SPRY3: variants seen among roughly 807,000 people sequenced by gnomAD.
SPRY3 encodes sprouty RTK signaling antagonist 3.
In SPRY3, 15 loss-of-function variants were observed where a neutral mutation model predicts 20.2. The ratio of observed to expected loss-of-function variants is 0.74; its 90% CI spans 0.50 to 1.14. SPRY3 has a LOEUF of 1.14. SPRY3 is among the 50% of genes most tolerant of loss of function. The probability of loss-of-function intolerance (pLI) is 0.00; values close to 1 mark genes in which losing one functional copy is unlikely to be tolerated. For synonymous variants in SPRY3, 143 were observed against 136.5 expected, an observed-to-expected ratio of 1.05 and a Z score of -0.33; for missense variants, 364 against 363.9, an observed-to-expected ratio of 1.00 and a Z score of 0.00.
At chrX:155,779,923 A>C (rs2091453656), downstream of SPRY3, 1 of 166,968 alleles carries the variant, frequency 6.0e-6, no homozygotes, top group Non-Finnish European at 1.5e-5. Flanking sequence ...TGTAGGACTG[A>C]AATTCTTGGT....
At chrX:155,749,382 CA>C (rs2091247200) in intron 2 of SPRY3, among the ~76,000 whole-genome samples, 2 of 151,330 alleles carry the variant, frequency 1.3e-5, no homozygotes. Context: ...CAGCAAGTGA[CA>C]GGGGTGTGTG....
intron 3 of SPRY3, among the ~76,000 whole-genome samples, chrX:155,771,412 C>A (rs1028003877): frequency 1.4e-4 from 22 of 152,054 alleles, no homozygotes; most frequent in African/African-American, 5.3e-4. Context: ...AACTTTGAGA[C>A]CTTGTATAAC....
At chrX:155,737,052 T>C (rs2091174938) in intron 2 of SPRY3, among the ~76,000 whole-genome samples, 1 of 152,178 alleles carries the variant, frequency 6.6e-6, no homozygotes, top group Non-Finnish European at 1.5e-5. Flanking sequence ...TTTGATTCTT[T>C]CTTAGAATTT....
chrX:155,711,793 A>G (rs777238749), intron 2 of SPRY3, among the ~76,000 whole-genome samples: 1 of 149,780 alleles, frequency 6.7e-6, no homozygotes, highest in South Asian at 2.1e-4. Flanking sequence ...ATGCATCTTT[A>G]GGTTGTTTTT....
At chrX:155,780,995 A>G (rs1299970041), downstream of SPRY3, 1 of 163,640 alleles carries the variant, frequency 6.1e-6, no homozygotes. Context: ...TCCTTGACTT[A>G]TATCAACACT....
At chrX:155,696,064 G>T (rs2068117419) in intron 2 of SPRY3, among the ~76,000 whole-genome samples, 1 of 110,694 alleles carries the variant, frequency 9.0e-6, no homozygotes, top group Non-Finnish European at 1.9e-5. Flanking sequence ...TCTGGGTTCT[G>T]TTATATTTGT....
rs780709614 is a variant in SPRY3, at chrX:155,767,995, C to G, written c.-248C>G. 3.3e-5 allele frequency: 5 copies of G among 152,284 alleles called. No homozygotes were observed. The East Asian group carries it at 9.7e-4, about 29-fold the overall frequency. 9.4% of individuals were successfully genotyped at this position (152,284 alleles called of 1,614,324 possible). ...AGAACTATCTCTGTTTCTGGCTCCA[C>G]TGCCTGCCAGTGAAGGAGTTTTCAT... is the stretch of plus-strand genomic sequence containing the variant. On this transcript the variant is annotated 5_prime_UTR_variant, in exon 3 of 4. Transcript: ENST00000675360.
At chrX:155,750,300 G>T (rs1249952266) in intron 2 of SPRY3, among the ~76,000 whole-genome samples, 2 of 151,748 alleles carry the variant, frequency 1.3e-5, no homozygotes, top group East Asian at 3.9e-4. Context: ...AAGAGTGTAA[G>T]GGTTGAAAAA....
At chrX:155,729,485 G>C (rs778665216) in intron 2 of SPRY3, among the ~76,000 whole-genome samples, 1 of 151,536 alleles carries the variant, frequency 6.6e-6, no homozygotes, top group South Asian at 2.1e-4. Flanking sequence ...AAGAAATTAA[G>C]AAGAAAATTT....
At chrX:155,750,189 A>C (rs1300679313) in intron 2 of SPRY3, among the ~76,000 whole-genome samples, 2 of 151,974 alleles carry the variant, frequency 1.3e-5, no homozygotes, top group African/African-American at 4.8e-5. Flanking sequence ...CAGAAAACCA[A>C]ATACCACATG....
At chrX:155,748,887 T>C (rs2091243134) in intron 2 of SPRY3, among the ~76,000 whole-genome samples, 1 of 151,822 alleles carries the variant, frequency 6.6e-6, no homozygotes, top group Non-Finnish European at 1.5e-5. Flanking sequence ...TTTTCTAATC[T>C]AGGTCTTCAT....
At chrX:155,627,510 G>A (rs2067892200) in intron 1 of SPRY3, among the ~76,000 whole-genome samples, 1 of 111,761 alleles carries the variant, frequency 8.9e-6, no homozygotes, top group Non-Finnish European at 1.9e-5. Context: ...TGGACACTTA[G>A]TTTTATTCCA....
intron 2 of SPRY3, among the ~76,000 whole-genome samples, chrX:155,723,412 A>G (rs1416630059): frequency 2.6e-5 from 4 of 152,072 alleles, no homozygotes; most frequent in South Asian, 2.1e-4. Context: ...GTATAAAAGC[A>G]TTCCTATTTC....
chrX:155,747,799 T>C (rs1244618080), intron 2 of SPRY3, among the ~76,000 whole-genome samples: 1 of 151,730 alleles, frequency 6.6e-6, no homozygotes, highest in East Asian at 1.9e-4. Context: ...ATTGAGACAC[T>C]CTAGAGCAGT....
At chrX:155,727,427 C>T (rs1318224072) in intron 2 of SPRY3, among the ~76,000 whole-genome samples, 2 of 152,170 alleles carry the variant, frequency 1.3e-5, no homozygotes, top group Non-Finnish European at 2.9e-5. Flanking sequence ...CTCCCCGTCA[C>T]TTTCAGGTAC....
chrX:155,752,815 G>A (rs945225584), intron 2 of SPRY3, among the ~76,000 whole-genome samples: 2 of 151,808 alleles, frequency 1.3e-5, no homozygotes, highest in African/African-American at 4.8e-5. Flanking sequence ...GCTTTTTGGA[G>A]AGCAATTTGG....
chrX:155,668,632 AAC>A (rs2068031529), intron 2 of SPRY3, among the ~76,000 whole-genome samples: 1 of 110,770 alleles, frequency 9.0e-6, no homozygotes, highest in African/African-American at 3.3e-5. Flanking sequence ...CATTTCTCCT[AAC>A]TCCTTTGTTT....
intron 1 of SPRY3, among the ~76,000 whole-genome samples, chrX:155,654,474 C>T (rs1413218622): frequency 9.0e-6 from 1 of 110,896 alleles, no homozygotes; most frequent in Admixed American, 9.6e-5. Flanking sequence ...TCACCCCCTC[C>T]TACTATCCCA....
chrX:155,666,030 AT>A (rs1557354308), intron 2 of SPRY3, among the ~76,000 whole-genome samples: 1 of 111,590 alleles, frequency 9.0e-6, no homozygotes, highest in African/African-American at 3.3e-5. Flanking sequence ...AATAAAATAC[AT>A]TTAAGCTGAA....
Sources: allele counts gnomAD v4.1 joint callset (sites outside exome capture counted in the v4.1 genomes callset), GRCh38; gene constraint gnomAD v4.1.1; transcripts MANE v1.5; gene names NCBI Gene and HGNC (gene_info 2026-07-23, HGNC 2026-07-21).